The following PAPLN variants were observed in gnomAD, a reference collection of about 807,000 sequenced individuals.
The protein encoded by PAPLN is papilin.
Under a neutral mutation model 159.0 loss-of-function variants are expected in PAPLN, and 146 were observed. The observed-to-expected ratio is 0.92, with a 90% CI of 0.80 to 1.05. The LOEUF (loss-of-function observed/expected upper bound fraction) is 1.05. Ranked by LOEUF, PAPLN falls within the 50% of genes least tolerant of loss-of-function variation. The pLI, the probability that PAPLN is intolerant of heterozygous loss-of-function variation, is 0.00. For synonymous variants in PAPLN, 734 were observed against 702.9 expected (o/e 1.04, Z -0.70); for missense variants, 1,720 against 1,743.9 (o/e 0.99, Z 0.24).
chr14:73,254,611 C>A lies in PAPLN; in HGVS notation c.1401C>A (p.Asp467Glu), dbSNP rs202002318. 47 of 1,614,048 alleles carry A rather than the reference C, an allele frequency of 2.9e-5. No individual in the cohort carries two copies. In the African/African-American group the frequency reaches 5.9e-4, roughly 20 times the overall value. Reference protein sequence around the residue: ...LLHTAACSLEDRPPLTEPCVH... With the variant: ...LLHTAACSLEERPPLTEPCVH... ...ATACCGCAGCGTGCTCCTTGGAAGA[C>A]CGGCCACCTCTGACTGAGCCCTGTG... is the stretch of plus-strand genomic sequence containing the variant. Residue 467 changes from aspartate to glutamate, a missense_variant, in exon 13 of 27, where the codon GAC (aspartate) becomes GAA (glutamate). Transcript: ENST00000644200.
intron 16 of PAPLN, 92 bp downstream of exon 16, chr14:73,259,637 TG>T: frequency 7.2e-7 from 1 of 1,383,116 alleles, no homozygotes; most frequent in East Asian, 2.8e-5. Flanking sequence ...AGAAGAGGGC[TG>T]GGGTGGGTGT....
chr14:73,243,619 A>G (rs1451566380), intron 2 of PAPLN: 1 of 152,186 alleles, frequency 6.6e-6, no homozygotes, highest in East Asian at 1.9e-4. Context: ...TTATTCATGC[A>G]ATGGGGTCTG....
At chr14:73,259,973 AG>A (rs1436048408) in intron 16 of PAPLN, among the ~76,000 whole-genome samples, 2 of 152,196 alleles carry the variant, frequency 1.3e-5, no homozygotes, top group East Asian at 3.9e-4. Flanking sequence ...CACTCCTGCC[AG>A]GTGCCCTCCC....
Position 73,266,510 on chromosome 14 carries a change from G to T in PAPLN, c.3273G>T (p.Leu1091=), listed in dbSNP as rs774396832. The part of the protein sequence containing the change: ...GQPVSSPRHQ[L]QPDGSLVISR... ...TGTACTTGGTCCCCAGACACCAGCT[G>T]CAGCCTGATGGCTCCCTGGTCATTA... The change falls in exon 24 of 27, where the codon CTG becomes CTT. Residue 1091 remains leucine (L), a synonymous_variant. Transcript: ENST00000644200. The T allele has an allele frequency of 5.0e-6, 8 of 1,613,882 alleles. No homozygotes were observed. In the Admixed American group the frequency reaches 6.7e-5, roughly 13 times the overall value.
chr14:73,237,218 C>A (rs1010698937), upstream of PAPLN, among the ~76,000 whole-genome samples: 1 of 152,020 alleles, frequency 6.6e-6, no homozygotes, highest in Non-Finnish European at 1.5e-5. Context: ...TGAAGAGGAG[C>A]GGATAGGGCA....
rs533227973 is a variant in PAPLN at position 73,258,999 on chromosome 14, G to A, written c.1648G>A (p.Val550Met). The A allele has an allele frequency of 1.6e-4, 258 of 1,612,132 alleles. 1 individual carries two copies. The South Asian group carries it at 2.5e-3, about 16-fold the overall frequency. ...LPQEVPSMQD[V>M]HTPASNPWMP... ...TGCAGAGGTCCCCAGCATGCAGGAT[G>A]TGCACACCCCTGCCAGCAACCCCTG... The change falls in exon 15 of 27, where the codon GTG becomes ATG. Residue 550 changes from valine (V) to methionine (M), a missense_variant. Val to Met is a conservative substitution (Grantham distance 21, BLOSUM62 1). Coordinates refer to ENST00000644200, the MANE Select transcript of PAPLN (RefSeq NM_001365906.3).
rs1887436197 is a variant in PAPLN, at chr14:73,268,606, G to A, written c.3550G>A (p.Asp1184Asn). The change falls in exon 26 of 27, where the codon GAT becomes AAT. Residue 1184 changes from aspartate (D) to asparagine (N), a missense_variant. Physicochemically the swap from Asp to Asn is conservative, Grantham distance 23. Coordinates refer to ENST00000644200, the MANE Select transcript of PAPLN (RefSeq NM_001365906.3). Reference sequence around the variant, plus strand: ...TGGCCACCGTGTCCACCAGTCCCCAGATGGCACGCTGCTCATTTACAACTT... The same window carrying A: ...TGGCCACCGTGTCCACCAGTCCCCAAATGGCACGCTGCTCATTTACAACTT... ...ADGHRVHQSP[D>N]GTLLIYNLRA... is the part of the protein sequence containing the mutation. 3.7e-6 allele frequency: 6 copies of A among 1,613,864 alleles called. No individual in the cohort carries two copies. Among genetic ancestry groups the A allele is most frequent in the Non-Finnish European group, 5.1e-6 (6 of 1,179,930 alleles).
rs1227824108 is a variant in PAPLN, at chr14:73,262,777, G to A, written c.2673G>A (p.Leu891=). The A allele has an allele frequency of 2.0e-6, 3 of 1,503,772 alleles. No individual in the cohort carries two copies. The highest frequency in any genetic ancestry group is 8.8e-7 in the Non-Finnish European group (1 of 1,131,496). The allele number at this position is 1,503,772 out of a possible 1,614,324, so 93.2% of individuals were successfully genotyped here. A position where few individuals can be genotyped will look rare whatever the true frequency, so the allele number is the denominator to read the frequency against. ...AGCTTGGGTCCAGGGCCCCTGGACTGGGTGGAGATGCCGGATCACCAGCGC... is the reference window on the plus strand; with the variant it reads ...AGCTTGGGTCCAGGGCCCCTGGACTAGGTGGAGATGCCGGATCACCAGCGC... ...GQELGSRAPG[L]GGDAGSPAPP... is the part of the protein sequence containing the mutation. Residue 891 remains leucine (L), a synonymous_variant, in exon 19 of 27, where the codon CTG becomes CTA. Coordinates refer to ENST00000644200, the MANE Select transcript of PAPLN (RefSeq NM_001365906.3).
At position 73,239,783 on chromosome 14, in the gene PAPLN, G is replaced by C; in HGVS notation, c.5G>C (p.Arg2Pro). ...ATGCGTCTCCCGCAGGCTGAGATGC[G>C]GCTGCTCCTGCTCGTGCCGCTGCTG... is the stretch of plus-strand genomic sequence containing the variant. MRLLLLVPLLLA... is the reference protein window; with the variant it reads MPLLLLVPLLLA... The change falls in exon 2 of 27, where the codon CGG (arginine) becomes CCG (proline). Residue 2 changes from arginine to proline, a missense_variant. Arg to Pro is a moderately radical substitution (Grantham distance 103). Coordinates refer to ENST00000644200, the MANE Select transcript of PAPLN (RefSeq NM_001365906.3). 6.3e-7 allele frequency: 1 copy of C among 1,593,068 alleles called. No individual in the cohort carries two copies. Among genetic ancestry groups the C allele is most frequent in the South Asian group, 1.1e-5 (1 of 89,186 alleles).
chr14:73,242,060 C>T (rs1428951597), intron 2 of PAPLN, among the ~76,000 whole-genome samples: 3 of 152,162 alleles, frequency 2.0e-5, no homozygotes, highest in Admixed American at 2.0e-4. Flanking sequence ...GGGCAGTTCA[C>T]GGTTTGGGTA....
intron 25 of PAPLN, 147 bp downstream of exon 25, chr14:73,266,978 C>T (rs1887281503): frequency 5.3e-6 from 4 of 747,696 alleles, no homozygotes; most frequent in Non-Finnish European, 9.1e-6. Context: ...CTGCAGCACC[C>T]TCATCCCTAC....
At position 73,263,711 on chromosome 14, in the gene PAPLN, C is replaced by T. The variant is rs1886841508; in HGVS notation, c.2790C>T (p.Ser930=). Residue 930 remains serine (S), a synonymous_variant, in exon 20 of 27, where the codon TCC becomes TCT. Coordinates refer to ENST00000644200, the MANE Select transcript of PAPLN (RefSeq NM_001365906.3). ...CCCTGGGGCAGTTGGTGCGGCTCTC[C>T]TGCTCAGACGACACTGCCCCGGAAT... ...QAALGQLVRL[S]CSDDTAPESQ... is the part of the protein sequence containing the mutation. 6.2e-7 allele frequency: 1 copy of T among 1,612,642 alleles called. No individual in the cohort carries two copies. Among genetic ancestry groups the T allele is most frequent in the Middle Eastern group, 1.7e-4 (1 of 6,056 alleles).
chr14:73,258,409 G>A (rs1886167367), intron 14 of PAPLN, among the ~76,000 whole-genome samples: 2 of 152,060 alleles, frequency 1.3e-5, no homozygotes, highest in African/African-American at 4.8e-5. Context: ...AAAAAAGTAT[G>A]TTCTGTTTTT....
chr14:73,255,013 C>A lies in PAPLN; in HGVS notation c.1622C>A (p.Pro541His). 1 of 1,612,650 alleles carries A rather than the reference C, an allele frequency of 6.2e-7. No homozygotes were observed. The highest frequency in any genetic ancestry group is 2.2e-5 in the East Asian group (1 of 44,788). The change falls in exon 14 of 27, where the codon CCC (proline) becomes CAC (histidine). Residue 541 changes from proline (P) to histidine (H), a missense_variant. Physicochemically the swap from Pro to His is moderately conservative, Grantham distance 77. Coordinates refer to ENST00000644200, the MANE Select transcript of PAPLN (RefSeq NM_001365906.3). ...TGTAACACGCAGCCCTGTCATCTCCCCCAGGGTAAGGACAGGAGGGCAGGG... is the reference window on the plus strand; with the variant it reads ...TGTAACACGCAGCCCTGTCATCTCCACCAGGGTAAGGACAGGAGGGCAGGG... ...EPCNTQPCHLPQEVPSMQDVH... is the reference protein window; with the variant it reads ...EPCNTQPCHLHQEVPSMQDVH...
chr14:73,253,892 G>A lies in PAPLN; in HGVS notation c.1233G>A (p.Gly411=), dbSNP rs1885593198. The change falls in exon 12 of 27, where the codon GGG becomes GGA. Residue 411 remains glycine (G), a synonymous_variant. Transcript: ENST00000644200. ...VEEAECAGLP[G]KPPAIQACNL... Reference sequence around the variant, plus strand: ...AGGCTGAGTGTGCCGGGCTGCCTGGGAAGCCCCCTGCCATTCAGGCCTGTA... The same window carrying A: ...AGGCTGAGTGTGCCGGGCTGCCTGGAAAGCCCCCTGCCATTCAGGCCTGTA... The A allele has an allele frequency of 6.2e-7, 1 of 1,613,176 alleles. No individual in the cohort carries two copies. The highest frequency in any genetic ancestry group is 1.1e-5 in the South Asian group (1 of 91,078).
chr14:73,244,585 G>A (rs1420550174), intron 2 of PAPLN, 59 bp from the exon 3 acceptor site: 1 of 1,395,630 alleles, frequency 7.2e-7, no homozygotes, highest in East Asian at 2.5e-5. Flanking sequence ...ATCTTTGGAG[G>A]GGCCTCTGGG....
rs149941720 is a variant in PAPLN, at chr14:73,259,020, C to A, written c.1669C>A (p.Pro557Thr). 1.7e-4 allele frequency: 273 copies of A among 1,612,956 alleles called. 2 individuals are homozygous for A. The South Asian group carries it at 1.9e-3, about 12-fold the overall frequency. The part of the protein sequence containing the change: ...MQDVHTPASN[P>T]WMPLGPQESP... The stretch of plus-strand genomic sequence containing the variant: ...GGATGTGCACACCCCTGCCAGCAAC[C>A]CCTGGATGCCGTTGGGCCCTCAGGA... Residue 557 changes from proline (P) to threonine (T), a missense_variant, in exon 15 of 27, where the codon CCC becomes ACC. Physicochemically the swap from Pro to Thr is conservative, Grantham distance 38. Coordinates refer to ENST00000644200, the MANE Select transcript of PAPLN (RefSeq NM_001365906.3).
At chr14:73,250,787 C>G in intron 6 of PAPLN, 120 bp from the exon 7 acceptor site, 2 of 1,234,114 alleles carry the variant, frequency 1.6e-6, no homozygotes, top group Non-Finnish European at 2.1e-6. Flanking sequence ...GTGGCTGAAT[C>G]ACTCCCGACC....
chr14:73,239,471 A>G (rs1030199482), intron 1 of PAPLN: 2 of 375,642 alleles, frequency 5.3e-6, no homozygotes, highest in East Asian at 4.5e-5. Context: ...TTGTTTTTCA[A>G]CCACATAGAA....
Sources: allele counts gnomAD v4.1 joint callset (sites outside exome capture counted in the v4.1 genomes callset), GRCh38; gene constraint gnomAD v4.1.1; transcripts MANE v1.5; gene names NCBI Gene and HGNC (gene_info 2026-07-23, HGNC 2026-07-21).